The following CEP128 variants were observed in gnomAD, a reference collection of about 807,000 sequenced individuals.
The protein encoded by CEP128 is centrosomal protein 128kDa.
A neutral mutation model predicts 156.7 loss-of-function variants in CEP128; 132 were observed. The ratio of observed to expected loss-of-function variants is 0.84; its 90% CI spans 0.73 to 0.97. The LOEUF (loss-of-function observed/expected upper bound fraction) is 0.97. Among genes scored for constraint, CEP128 ranks in the 50% least tolerant of loss-of-function variants. The pLI, the probability that CEP128 is intolerant of heterozygous loss-of-function variation, is 0.00. For missense variants in CEP128, 1,252 were observed against 1,281.9 expected (o/e 0.98, Z 0.36); for synonymous variants, 469 against 448.9 (o/e 1.04, Z -0.57).
intron 9 of CEP128, among the ~76,000 whole-genome samples, chr14:80,848,751 T>C (rs1886738590): frequency 6.6e-6 from 1 of 151,908 alleles, no homozygotes; most frequent in Non-Finnish European, 1.5e-5. Context: ...AGGGGATCTA[T>C]TGTCTATAAA....
intron 9 of CEP128, among the ~76,000 whole-genome samples, chr14:80,844,551 T>C (rs1886505561): frequency 6.6e-6 from 1 of 152,084 alleles, no homozygotes; most frequent in African/African-American, 2.4e-5. Flanking sequence ...GGTAAGCACA[T>C]AAGTCAAGTC....
chr14:80,679,075 T>G (rs1399504075), intron 19 of CEP128, among the ~76,000 whole-genome samples: 1 of 152,220 alleles, frequency 6.6e-6, no homozygotes, highest in Non-Finnish European at 1.5e-5. Flanking sequence ...TGCCTTATTT[T>G]AATCTCTTAA....
intron 19 of CEP128, among the ~76,000 whole-genome samples, chr14:80,628,483 T>A (rs1317651853): frequency 6.6e-6 from 1 of 152,224 alleles, no homozygotes; most frequent in Admixed American, 6.5e-5. Context: ...TGAACTGACA[T>A]GACTTTAACA....
In CEP128 at chr14:80,597,949, AC is replaced by A. The variant is rs377623026; in HGVS notation, c.2807-17527del. 6.9e-3 allele frequency among the ~76,000 whole-genome samples: 866 copies of A among 126,362 alleles called. 1 individual carries two copies. The highest frequency in any genetic ancestry group is 8.8e-3 in the African/African-American group (308 of 35,200). 82.9% of individuals were successfully genotyped at this position (126,362 alleles called of 152,430 possible). A position where few individuals can be genotyped will look rare whatever the true frequency, so the allele number is the denominator to read the frequency against. On this transcript the variant is annotated intron_variant, in intron 19 of 24. Coordinates refer to ENST00000555265, the MANE Select transcript of CEP128 (RefSeq NM_152446.5). ...GGAACTAGAAGGGAATTCCTCAGCT[AC>A]AAAAAAAAAAAAAAAAAAAACAAAA...
intron 19 of CEP128, among the ~76,000 whole-genome samples, chr14:80,626,227 G>A (rs1277639957): frequency 1.3e-5 from 2 of 152,138 alleles, no homozygotes; most frequent in South Asian, 4.2e-4. Context: ...CACTTTGGGA[G>A]GCCGAGGCGG....
At chr14:80,778,301 A>C (rs377396899) in intron 15 of CEP128, among the ~76,000 whole-genome samples, 24 of 152,220 alleles carry the variant, frequency 1.6e-4, no homozygotes, top group African/African-American at 4.8e-4. Context: ...ATAGTAAGAG[A>C]GTCAGATGCA....
chr14:80,501,755 C>T (rs753214877), intron 24 of CEP128, among the ~76,000 whole-genome samples: 3 of 152,070 alleles, frequency 2.0e-5, no homozygotes, highest in South Asian at 2.1e-4. Flanking sequence ...CCGCCCACCT[C>T]GGCCTCCCAC....
At chr14:80,804,814 T>C (rs573132113) in intron 13 of CEP128, among the ~76,000 whole-genome samples, 1 of 152,272 alleles carries the variant, frequency 6.6e-6, no homozygotes, top group African/African-American at 2.4e-5. Context: ...CTTTAAAAAA[T>C]CTTCAAAGAA....
At chr14:80,561,503 GC>G (rs1422341184) in intron 20 of CEP128, among the ~76,000 whole-genome samples, 1 of 152,164 alleles carries the variant, frequency 6.6e-6, no homozygotes, top group East Asian at 1.9e-4. Context: ...GTCATTAGAT[GC>G]CTTATACAGA....
intron 20 of CEP128, among the ~76,000 whole-genome samples, chr14:80,565,466 T>G (rs938896662): frequency 3.3e-5 from 5 of 152,182 alleles, no homozygotes; most frequent in East Asian, 3.9e-4. Context: ...TCCAGTCTCC[T>G]GCAGAGCCAG....
chr14:80,729,242 T>C (rs887898143), intron 19 of CEP128, among the ~76,000 whole-genome samples: 1 of 151,834 alleles, frequency 6.6e-6, no homozygotes, highest in African/African-American at 2.4e-5. Context: ...GGCTCCCACT[T>C]ATAAGTGAGA....
At chr14:80,777,028 T>C (rs1488860213) in intron 16 of CEP128, among the ~76,000 whole-genome samples, 1 of 152,190 alleles carries the variant, frequency 6.6e-6, no homozygotes, top group Non-Finnish European at 1.5e-5. Flanking sequence ...GTTACAACCT[T>C]CTTACCATGA....
intron 19 of CEP128, among the ~76,000 whole-genome samples, chr14:80,613,704 C>T (rs1378382456): frequency 6.6e-6 from 1 of 152,090 alleles, no homozygotes; most frequent in African/African-American, 2.4e-5. Context: ...CCTATATGTA[C>T]ATATGCTGTT....
intron 19 of CEP128, among the ~76,000 whole-genome samples, chr14:80,684,222 A>G (rs1896436497): frequency 6.6e-6 from 1 of 152,156 alleles, no homozygotes. Flanking sequence ...GGAAAAAAAT[A>G]GAAGATGCAA....
At chr14:80,646,073 C>T (rs1384262883) in intron 19 of CEP128, among the ~76,000 whole-genome samples, 2 of 152,094 alleles carry the variant, frequency 1.3e-5, no homozygotes, top group Admixed American at 1.3e-4. Context: ...ATAGGTAGAG[C>T]TCACAGGATT....
rs1174897265 is a variant in CEP128, at chr14:80,785,240, G to C, written c.1866C>G (p.Ser622Arg). ...LEEEIAELKKSQAQDKAKLLE... is the reference protein window; with the variant it reads ...LEEEIAELKKRQAQDKAKLLE... ...GAAGTTTAGCTTTGTCCTGGGCCTG[G>C]CTCTTCTTGAGCTCTGCAATTTCTT... The change falls in exon 15 of 25, where the codon AGC (serine) becomes AGG (arginine). Residue 622 changes from serine to arginine, a missense_variant. Physicochemically the swap from Ser to Arg is moderately radical, Grantham distance 110. Coordinates refer to ENST00000555265, the MANE Select transcript of CEP128 (RefSeq NM_152446.5). The C allele has an allele frequency of 6.2e-7, 1 of 1,614,106 alleles. No homozygotes were observed. The highest frequency in any genetic ancestry group is 1.3e-5 in the African/African-American group (1 of 75,034).
intron 16 of CEP128, among the ~76,000 whole-genome samples, chr14:80,763,390 C>T (rs560243020): frequency 1.3e-5 from 2 of 152,252 alleles, no homozygotes; most frequent in African/African-American, 2.4e-5. Context: ...TTGCTCATAT[C>T]TAGGAGTTTT....
intron 21 of CEP128, among the ~76,000 whole-genome samples, chr14:80,544,526 C>T (rs1032338766): frequency 7.2e-5 from 11 of 152,166 alleles, no homozygotes; most frequent in South Asian, 2.1e-4. Flanking sequence ...TTCCATCATG[C>T]AGGCTCCAAC....
chr14:80,498,322 G>A (rs1188490971), intron 24 of CEP128, among the ~76,000 whole-genome samples: 2 of 151,904 alleles, frequency 1.3e-5, no homozygotes, highest in Admixed American at 1.3e-4. Flanking sequence ...TTTTCTTCTT[G>A]CTCCCTTACG....
Sources: gnomAD v4.1 joint callset for allele counts (sites outside exome capture counted in the v4.1 genomes callset) on GRCh38, gnomAD v4.1.1 for gene constraint, MANE v1.5 for transcripts, NCBI Gene and HGNC (gene_info 2026-07-23, HGNC 2026-07-21) for gene names.